Variants in SUGCT observed in about 807,000 individuals in gnomAD.
The protein encoded by SUGCT is succinyl-CoA:glutarate CoA-transferase.
A neutral mutation model predicts 55.0 loss-of-function variants in SUGCT; 41 were observed. The observed-to-expected ratio is 0.74, with a 90% CI of 0.58 to 0.97. The LOEUF is 0.97. Among genes scored for constraint, SUGCT ranks in the 50% least tolerant of loss-of-function variants. The pLI, the probability that SUGCT is intolerant of heterozygous loss-of-function variation, is 0.00. For missense variants in SUGCT, 568 were observed against 547.8 expected (o/e 1.04, Z -0.37); for synonymous variants, 187 against 200.4 (o/e 0.93, Z 0.56).
At chr7:40,965,794 CT>C in the SUGCT span, 1 of 152,148 alleles carries the variant, frequency 6.6e-6, no homozygotes, top group Non-Finnish European at 1.5e-5. Flanking sequence ...AGAGAATGAC[CT>C]CTTTGTTTTA....
the SUGCT span, among the ~76,000 whole-genome samples, chr7:40,912,911 C>T: frequency 6.6e-6 from 1 of 151,958 alleles, no homozygotes; most frequent in Non-Finnish European, 1.5e-5. Context: ...ATACTTGATG[C>T]ACTTGTCTGA....
the SUGCT span, among the ~76,000 whole-genome samples, chr7:40,968,610 C>T: frequency 1.3e-5 from 2 of 152,190 alleles, no homozygotes; most frequent in East Asian, 3.9e-4. Context: ...CATCGAAAAA[C>T]AAAACAAAGT....
intron 12 of SUGCT, 51 bp downstream of exon 12, chr7:40,496,437 A>G: frequency 8.1e-7 from 1 of 1,227,760 alleles, no homozygotes; most frequent in Non-Finnish European, 1.2e-6. Flanking sequence ...AGATTGACTT[A>G]TATCAAGGTA....
chr7:41,008,753 C>A, the SUGCT span, among the ~76,000 whole-genome samples: 1 of 151,986 alleles, frequency 6.6e-6, no homozygotes. Flanking sequence ...CAAATGCGCC[C>A]TTCCCTGGGT....
At chr7:41,038,431 G>T in the SUGCT span, among the ~76,000 whole-genome samples, 7 of 152,238 alleles carry the variant, frequency 4.6e-5, no homozygotes, top group Admixed American at 4.6e-4. Flanking sequence ...TCCATTCAGG[G>T]AATGTTCCGC....
intron 12 of SUGCT, among the ~76,000 whole-genome samples, chr7:40,560,826 G>C (rs1216135856): frequency 1.3e-5 from 2 of 152,232 alleles, no homozygotes; most frequent in Non-Finnish European, 2.9e-5. Context: ...AATTGACCTT[G>C]ATAGTTTTCA....
chr7:40,311,411 C>T (rs896487797), intron 8 of SUGCT, among the ~76,000 whole-genome samples: 15 of 152,126 alleles, frequency 9.9e-5, no homozygotes, highest in African/African-American at 2.7e-4. Flanking sequence ...AGAAGAATGA[C>T]GATACAATTT....
chr7:40,233,200 G>A (rs1342406836), intron 6 of SUGCT, among the ~76,000 whole-genome samples: 1 of 151,636 alleles, frequency 6.6e-6, no homozygotes, highest in Non-Finnish European at 1.5e-5. Flanking sequence ...TCCTATTATG[G>A]AATATATATG....
chr7:40,779,767 C>T (rs1215865372), intron 13 of SUGCT, among the ~76,000 whole-genome samples: 2 of 152,112 alleles, frequency 1.3e-5, no homozygotes, highest in African/African-American at 4.8e-5. Flanking sequence ...GGGTTTGCTG[C>T]CATAATTAAT....
At chr7:40,454,230 A>G (rs1789347363) in intron 10 of SUGCT, among the ~76,000 whole-genome samples, 2 of 152,232 alleles carry the variant, frequency 1.3e-5, no homozygotes, top group African/African-American at 4.8e-5. Flanking sequence ...ATGAGGGGAG[A>G]AAGTGTACAT....
At chr7:40,874,024 AG>A in the SUGCT span, among the ~76,000 whole-genome samples, 3 of 111,456 alleles carry the variant, frequency 2.7e-5, no homozygotes, top group African/African-American at 1.1e-4. Flanking sequence ...CCGTGTAGAC[AG>A]GAACACCAAC....
At chr7:40,626,565 A>G (rs1442642659) in intron 12 of SUGCT, among the ~76,000 whole-genome samples, 3 of 152,098 alleles carry the variant, frequency 2.0e-5, no homozygotes, top group Non-Finnish European at 2.9e-5. Context: ...AGAGACTTTC[A>G]TAGAATTTTA....
chr7:40,268,309 T>G (rs544894593), intron 7 of SUGCT, among the ~76,000 whole-genome samples: 1 of 152,330 alleles, frequency 6.6e-6, no homozygotes, highest in Admixed American at 6.5e-5. Flanking sequence ...TCTCTATGGA[T>G]TTGCCTGTTC....
At chr7:41,005,283 C>T in the SUGCT span, among the ~76,000 whole-genome samples, 1 of 152,030 alleles carries the variant, frequency 6.6e-6, no homozygotes, top group Non-Finnish European at 1.5e-5. Context: ...TGATACAGAC[C>T]TATCGAAGCA....
At chr7:40,243,045 C>T (rs935669858) in intron 7 of SUGCT, among the ~76,000 whole-genome samples, 1 of 143,988 alleles carries the variant, frequency 6.9e-6, no homozygotes, top group African/African-American at 2.6e-5. Context: ...AGGTGGTCCT[C>T]CCCACTCAGC....
chr7:40,544,499 C>T (rs1452778134), intron 12 of SUGCT, among the ~76,000 whole-genome samples: 1 of 152,160 alleles, frequency 6.6e-6, no homozygotes, highest in East Asian at 1.9e-4. Context: ...TGACAAGTTC[C>T]ACATTAAATC....
chr7:40,609,550 C>CA (rs934513690), intron 12 of SUGCT, among the ~76,000 whole-genome samples: 2,752 of 70,442 alleles, frequency 0.039, 61 homozygotes, highest in Admixed American at 0.14. Flanking sequence ...GACTCCATCT[C>CA]AAAAAAAAAA....
At chr7:40,774,080 A>G (rs899275410) in intron 13 of SUGCT, among the ~76,000 whole-genome samples, 4 of 152,082 alleles carry the variant, frequency 2.6e-5, no homozygotes, top group Admixed American at 1.3e-4. Context: ...ATTCAACCCA[A>G]AGCTTTCCTT....
chr7:40,177,271 C>T (rs1784971674), intron 1 of SUGCT, among the ~76,000 whole-genome samples: 1 of 152,092 alleles, frequency 6.6e-6, no homozygotes, highest in Admixed American at 6.6e-5. Context: ...ACTTAAGCCA[C>T]CAGCTATTCA....
Sources: allele counts gnomAD v4.1 joint callset (sites outside exome capture counted in the v4.1 genomes callset), GRCh38; gene constraint gnomAD v4.1.1; transcripts MANE v1.5; gene names NCBI Gene and HGNC (gene_info 2026-07-23, HGNC 2026-07-21).